The following ZDHHC14 variants were observed in gnomAD, a reference collection of about 807,000 sequenced individuals.
The protein encoded by ZDHHC14 is zDHHC palmitoyltransferase 14, also known as palmitoyltransferase ZDHHC14.
In ZDHHC14, 16 loss-of-function variants were observed where a neutral mutation model predicts 47.7. The observed-to-expected ratio is 0.34, with a 90% CI of 0.23 to 0.51. The LOEUF (loss-of-function observed/expected upper bound fraction) is 0.51, where lower values mean the gene tolerates loss of function less well. Among genes scored for constraint, ZDHHC14 ranks in the 20% least tolerant of loss-of-function variants. ZDHHC14 has a pLI of 0.97. For missense variants in ZDHHC14, 515 were observed against 662.5 expected (o/e 0.78, Z 2.44); for synonymous variants, 293 against 278.9 (o/e 1.05, Z -0.50).
intron 3 of ZDHHC14, among the ~76,000 whole-genome samples, chr6:157,624,109 GA>G (rs760628996): frequency 1.3e-5 from 2 of 152,182 alleles, no homozygotes; most frequent in Non-Finnish European, 2.9e-5. Flanking sequence ...TTGGGCCCCT[GA>G]GAGCAATGTC....
intron 1 of ZDHHC14, among the ~76,000 whole-genome samples, chr6:157,456,411 C>T (rs1027756012): frequency 6.6e-5 from 10 of 152,182 alleles, no homozygotes; most frequent in Non-Finnish European, 1.0e-4. Context: ...AGAGTCCAGG[C>T]TCTCCCTAGT....
chr6:157,574,664 T>C (rs1582964022), intron 2 of ZDHHC14, among the ~76,000 whole-genome samples: 2 of 152,292 alleles, frequency 1.3e-5, no homozygotes, highest in South Asian at 4.1e-4. Flanking sequence ...CTCTCATTCA[T>C]TACGTCCATT....
At chr6:157,542,442 A>T in intron 1 of ZDHHC14, 143 bp from the exon 2 acceptor site, 1 of 1,204,746 alleles carries the variant, frequency 8.3e-7, no homozygotes, top group Non-Finnish European at 1.1e-6. Flanking sequence ...TCTTTCACAT[A>T]GATGAATTTT....
rs529475603 is a variant in ZDHHC14, at chr6:157,479,939, A to T, written c.246-62646A>T. The stretch of plus-strand genomic sequence containing the variant: ...AAGTAGACAGCCCTTGCTGGGTTAG[A>T]CTCTCCTCACACAAAGAGGAAAAAG... On this transcript the variant is annotated intron_variant, in intron 1 of 8. Transcript: ENST00000359775. Among the ~76,000 whole-genome samples, 192 of 152,028 alleles carry T rather than the reference A, an allele frequency of 1.3e-3. 3 individuals carry two copies. Among genetic ancestry groups the T allele is most frequent in the Non-Finnish European group, 1.3e-3 (91 of 67,990 alleles).
In ZDHHC14 at chr6:157,664,060, C is replaced by T. The variant is rs558886128; in HGVS notation, c.1069-8664C>T. Among the ~76,000 whole-genome samples the T allele has an allele frequency of 3.9e-5, 6 of 152,264 alleles. No homozygotes were observed. In the South Asian group the frequency reaches 1.2e-3, roughly 32 times the overall value. Reference sequence around the variant, plus strand: ...GACTGTGTGTAAAGTGATTTTCAGCCACACCCTTTCAGTCCCCACAACCCA... The same window carrying T: ...GACTGTGTGTAAAGTGATTTTCAGCTACACCCTTTCAGTCCCCACAACCCA... On this transcript the variant is annotated intron_variant, in intron 8 of 8. Coordinates refer to ENST00000359775, the MANE Select transcript of ZDHHC14 (RefSeq NM_024630.3).
chr6:157,672,707 C>T lies in ZDHHC14; in HGVS notation c.1069-17C>T, dbSNP rs750035564. Reference sequence around the variant, plus strand: ...CTCCTCTCCACCTTCTCTTTGCTGGCGCCTCCCGCTCTCCAGTGCGACCAA... The same window carrying T: ...CTCCTCTCCACCTTCTCTTTGCTGGTGCCTCCCGCTCTCCAGTGCGACCAA... On this transcript the variant is annotated splice_polypyrimidine_tract_variant and intron_variant, in intron 8 of 8. Transcript: ENST00000359775. The T allele has an allele frequency of 1.0e-5, 14 of 1,353,102 alleles. No homozygotes were observed. In the South Asian group the frequency reaches 1.2e-4, roughly 11 times the overall value. The allele number at this position is 1,353,102 out of a possible 1,614,324, so 83.8% of individuals were successfully genotyped here.
At chr6:157,512,224 C>T (rs947669521) in intron 1 of ZDHHC14, among the ~76,000 whole-genome samples, 17 of 152,288 alleles carry the variant, frequency 1.1e-4, no homozygotes, top group Admixed American at 7.2e-4. Flanking sequence ...AGTGTGGAGC[C>T]GGGATTTGAA....
chr6:157,437,524 GA>G (rs1778465228), intron 1 of ZDHHC14, among the ~76,000 whole-genome samples: 1 of 152,164 alleles, frequency 6.6e-6, no homozygotes, highest in Non-Finnish European at 1.5e-5. Context: ...CTTCCCAGAA[GA>G]ATTCCTGCAT....
chr6:157,648,425 G>A (rs1034138257), intron 7 of ZDHHC14, among the ~76,000 whole-genome samples: 1 of 151,792 alleles, frequency 6.6e-6, no homozygotes, highest in Non-Finnish European at 1.5e-5. Context: ...CATTAGAGAG[G>A]TAAAAAGAAT....
intron 1 of ZDHHC14, among the ~76,000 whole-genome samples, chr6:157,437,751 A>C (rs1295932125): frequency 6.6e-6 from 1 of 152,232 alleles, no homozygotes; most frequent in African/African-American, 2.4e-5. Context: ...TAATAAATTC[A>C]TATATTTAAA....
In ZDHHC14 at chr6:157,633,090, A is replaced by C. The variant is rs1583048321; in HGVS notation, c.752+208A>C. ...CAGCCTGTTTAAATCGAGGGCTAGG[A>C]AGCCAAGTATGAATTCTTATCCACC... On this transcript the variant is annotated intron_variant, in intron 5 of 8. Transcript: ENST00000359775. Among the ~76,000 whole-genome samples, 3 of 152,298 alleles carry C rather than the reference A, an allele frequency of 2.0e-5. No individual in the cohort carries two copies. In the South Asian group the frequency reaches 6.2e-4, roughly 32 times the overall value.
At chr6:157,563,280 C>T (rs1782778992) in intron 2 of ZDHHC14, among the ~76,000 whole-genome samples, 1 of 152,220 alleles carries the variant, frequency 6.6e-6, no homozygotes, top group South Asian at 2.1e-4. Flanking sequence ...CTGGAAAGGC[C>T]CCTGCCCGAG....
intron 1 of ZDHHC14, among the ~76,000 whole-genome samples, chr6:157,488,013 C>T (rs2114724098): frequency 6.6e-6 from 1 of 152,250 alleles, no homozygotes; most frequent in East Asian, 1.9e-4. Context: ...GACTCTTTCT[C>T]AGGAGTGGTT....
At chr6:157,618,363 C>G (rs1785047853) in intron 3 of ZDHHC14, among the ~76,000 whole-genome samples, 1 of 152,032 alleles carries the variant, frequency 6.6e-6, no homozygotes, top group African/African-American at 2.4e-5. Flanking sequence ...ACTCTGTCAC[C>G]CAGGCTGCAG....
intron 1 of ZDHHC14, among the ~76,000 whole-genome samples, chr6:157,517,906 A>G (rs555019586): frequency 6.6e-6 from 1 of 152,290 alleles, no homozygotes; most frequent in African/African-American, 2.4e-5. Flanking sequence ...ATTGCCTGTG[A>G]TCTGTATCAA....
chr6:157,588,825 T>C, intron 2 of ZDHHC14, among the ~76,000 whole-genome samples: 1 of 151,942 alleles, frequency 6.6e-6, no homozygotes, highest in Non-Finnish European at 1.5e-5. Flanking sequence ...AACCTGAAAG[T>C]TTCAATCACT....
intron 1 of ZDHHC14, among the ~76,000 whole-genome samples, chr6:157,489,335 T>C (rs2114725467): frequency 6.6e-6 from 1 of 152,330 alleles, no homozygotes; most frequent in South Asian, 2.1e-4. Flanking sequence ...TGTAGTAGCA[T>C]TTATGCTGCA....
At chr6:157,506,204 T>C (rs1445413084) in intron 1 of ZDHHC14, among the ~76,000 whole-genome samples, 1 of 152,232 alleles carries the variant, frequency 6.6e-6, no homozygotes, top group Non-Finnish European at 1.5e-5. Context: ...GAAACATCCA[T>C]GTCTCATTCA....
chr6:157,503,992 A>C (rs4709316), intron 1 of ZDHHC14, among the ~76,000 whole-genome samples: 38,210 of 152,010 alleles, frequency 0.25, 5,939 homozygotes, highest in African/African-American at 0.41. Context: ...CTAGAAACAT[A>C]TTTGCAATTT....
Sources: gnomAD v4.1 joint callset for allele counts (sites outside exome capture counted in the v4.1 genomes callset) on GRCh38, gnomAD v4.1.1 for gene constraint, MANE v1.5 for transcripts, NCBI Gene and HGNC (gene_info 2026-07-23, HGNC 2026-07-21) for gene names.